Variants in KIF13B observed in about 807,000 individuals in gnomAD.
KIF13B encodes kinesin family member 13B, also known as kinesin-like protein KIF13B.
Under a neutral mutation model 222.0 loss-of-function variants are expected in KIF13B, and 127 were observed. The ratio of observed to expected loss-of-function variants is 0.57; its 90% confidence interval spans 0.50 to 0.66. KIF13B has a LOEUF of 0.66. KIF13B is among the 30% of genes least tolerant of loss of function. The probability of loss-of-function intolerance (pLI) is 0.00; values close to 1 mark genes in which losing one functional copy is unlikely to be tolerated. For missense variants in KIF13B, 2,173 were observed against 2,379.0 expected (o/e 0.91, Z 1.80); for synonymous variants, 976 against 919.0 (o/e 1.06, Z -1.12).
At chr8:29,075,151 C>G in intron 38 of KIF13B, 130 bp downstream of exon 38, 1 of 730,210 alleles carries the variant, frequency 1.4e-6, no homozygotes, top group South Asian at 1.5e-5. Flanking sequence ...AGGCAGTGAC[C>G]TATATTATAA....
chr8:29,200,749 C>G (rs35918449), intron 2 of KIF13B, among the ~76,000 whole-genome samples: 9,829 of 152,206 alleles, frequency 0.065, 676 homozygotes, highest in African/African-American at 0.17. Context: ...ACCTGGGGCA[C>G]TTTGTCTGTC....
chr8:29,213,992 A>C (rs1159801878), intron 2 of KIF13B, among the ~76,000 whole-genome samples: 2 of 152,180 alleles, frequency 1.3e-5, no homozygotes, highest in East Asian at 3.8e-4. Flanking sequence ...CAAAAGGTAC[A>C]GTAAAAATAC....
intron 2 of KIF13B, among the ~76,000 whole-genome samples, chr8:29,223,014 A>G (rs1814828042): frequency 6.6e-6 from 1 of 152,048 alleles, no homozygotes; most frequent in Non-Finnish European, 1.5e-5. Flanking sequence ...TTGATTTTAT[A>G]TATATACATA....
At position 29,155,713 on chromosome 8, in the gene KIF13B, T is replaced by A; in HGVS notation, c.1535+13A>T. 1 of 1,599,656 alleles carries A rather than the reference T, an allele frequency of 6.3e-7. No individual in the cohort carries two copies. The highest frequency in any genetic ancestry group is 8.5e-7 in the Non-Finnish European group (1 of 1,171,930). ...AAACTCTTGTGATATGAACACTAAT[T>A]CAAGTATGTTACCTGGTGTTCTTCT... On this transcript the variant is annotated intron_variant, in intron 14 of 39. Transcript: ENST00000524189.
At position 29,071,782 on chromosome 8, in the gene KIF13B, C is replaced by T; in HGVS notation, c.5056G>A (p.Ala1686Thr). The change falls in exon 39 of 40, where the codon GCC (alanine) becomes ACC (threonine). Residue 1686 changes from alanine (A) to threonine (T), a missense_variant. This residue lies in a region of KIF13B where 693 missense variants were observed against 656.2 expected (regional missense o/e 1.06). Coordinates refer to ENST00000524189, the MANE Select transcript of KIF13B (RefSeq NM_015254.4). This position sits in a 1 kb window ranked among gnomAD's most constrained non-coding sequence, Gnocchi z 4.9. ...NAPAPGAGGQALASDSEEADE... is the reference protein window; with the variant it reads ...NAPAPGAGGQTLASDSEEADE... ...GCTTCCTCGGAATCAGAGGCCAGGG[C>T]CTGTCCCCCGGCGCCCGGGGCCGGC... is the stretch of plus-strand genomic sequence containing the variant. The T allele has an allele frequency of 6.5e-7, 1 of 1,548,314 alleles. No individual in the cohort carries two copies. Among genetic ancestry groups the T allele is most frequent in the Non-Finnish European group, 8.7e-7 (1 of 1,146,464 alleles).
intron 1 of KIF13B, among the ~76,000 whole-genome samples, chr8:29,258,455 A>G (rs1816565285): frequency 6.6e-6 from 1 of 152,216 alleles, no homozygotes; most frequent in East Asian, 1.9e-4. Context: ...CCCAAGAAGC[A>G]AAACAGAGTG....
At chr8:29,201,397 T>C (rs1329064710) in intron 2 of KIF13B, among the ~76,000 whole-genome samples, 3 of 152,230 alleles carry the variant, frequency 2.0e-5, no homozygotes, top group African/African-American at 7.2e-5. Context: ...ATTATATCTG[T>C]AATCTCTAGA....
chr8:29,085,748 G>C (rs1302453492), intron 37 of KIF13B, among the ~76,000 whole-genome samples: 1 of 127,598 alleles, frequency 7.8e-6, no homozygotes, highest in Admixed American at 9.2e-5. Flanking sequence ...AGGGAGCCAG[G>C]CTGGGATGGG....
chr8:29,227,007 G>T (rs1344936620), intron 2 of KIF13B, among the ~76,000 whole-genome samples: 1 of 152,148 alleles, frequency 6.6e-6, no homozygotes, highest in African/African-American at 2.4e-5. Context: ...CCATTAATTG[G>T]AAGGCAAAGT....
chr8:29,078,741 G>C (rs1807679256), intron 37 of KIF13B, among the ~76,000 whole-genome samples: 1 of 152,244 alleles, frequency 6.6e-6, no homozygotes, highest in Non-Finnish European at 1.5e-5. Flanking sequence ...CCGAGGCTCA[G>C]AGAGCGTTTA....
intron 21 of KIF13B, among the ~76,000 whole-genome samples, chr8:29,139,802 C>T (rs1810725525): frequency 6.6e-6 from 1 of 152,150 alleles, no homozygotes; most frequent in Admixed American, 6.5e-5. Context: ...TGCAGGGATT[C>T]TCAGCCACCA....
At position 29,181,970 on chromosome 8, in the gene KIF13B, C is replaced by G; in HGVS notation, c.534G>C (p.Val178=). 1.1e-5 allele frequency: 17 copies of G among 1,613,706 alleles called. No individual in the cohort carries two copies. Among genetic ancestry groups the G allele is most frequent in the Non-Finnish European group, 1.4e-5 (17 of 1,179,762 alleles). Residue 178 remains valine (V), a synonymous_variant, in exon 7 of 40, where the codon GTG becomes GTC. Transcript: ENST00000524189. ...AAAGTCCGTCGACATAAGGTCCCAA[C>G]ACACTATGCTCTCTGACTTTCAACG... The part of the protein sequence containing the change: ...RQTLKVREHS[V]LGPYVDGLSK...
In KIF13B at chr8:29,109,291, G is replaced by A. The variant is rs145763037; in HGVS notation, c.4161+143C>T. 111 of 678,786 alleles carry A rather than the reference G, an allele frequency of 1.6e-4. 1 individual carries two copies. The African/African-American group carries it at 1.7e-3, about 10-fold the overall frequency. 42.0% of individuals were successfully genotyped at this position (678,786 alleles called of 1,614,324 possible). A position where few individuals can be genotyped will look rare whatever the true frequency, so the allele number is the denominator to read the frequency against. On this transcript the variant is annotated intron_variant, in intron 34 of 39. Coordinates refer to ENST00000524189, the MANE Select transcript of KIF13B (RefSeq NM_015254.4). ...GGCAGAGGTGCACAGACCCAGTGGG[G>A]TGGAGACCAGGGGCCCTGACATCAG...
At position 29,122,654 on chromosome 8, in the gene KIF13B, G is replaced by A. The variant is rs78494476; in HGVS notation, c.3480-8C>T. On this transcript the variant is annotated splice_region_variant and splice_polypyrimidine_tract_variant and intron_variant, in intron 28 of 39. Transcript: ENST00000524189. Reference sequence around the variant, plus strand: ...ATCCCAGGTACTGGGGTCCTAAAACGGGAAGAACAAATGGCATCTGCCTCA... The same window carrying A: ...ATCCCAGGTACTGGGGTCCTAAAACAGGAAGAACAAATGGCATCTGCCTCA... The A allele has an allele frequency of 0.017, 27,029 of 1,603,038 alleles. 274 individuals carry two copies. Among genetic ancestry groups the A allele is most frequent in the Non-Finnish European group, 0.019 (22,771 of 1,174,004 alleles).
chr8:29,100,849 A>G (rs1808754997), intron 35 of KIF13B, among the ~76,000 whole-genome samples: 1 of 152,198 alleles, frequency 6.6e-6, no homozygotes, highest in East Asian at 1.9e-4. Flanking sequence ...AGGTTTCAGA[A>G]ATGTATTGGA....
intron 35 of KIF13B, among the ~76,000 whole-genome samples, chr8:29,102,536 G>A (rs1364991913): frequency 2.0e-5 from 3 of 152,226 alleles, no homozygotes; most frequent in East Asian, 1.9e-4. Flanking sequence ...CGGAGGCTCC[G>A]GGGAGGGCCT....
At chr8:29,137,082 G>T (rs1385347760) in intron 21 of KIF13B, among the ~76,000 whole-genome samples, 1 of 152,124 alleles carries the variant, frequency 6.6e-6, no homozygotes, top group Non-Finnish European at 1.5e-5. Context: ...TTACAGACGT[G>T]AGCCGCCGCG....
At chr8:29,088,745 G>A (rs1808158408) in intron 37 of KIF13B, among the ~76,000 whole-genome samples, 1 of 152,152 alleles carries the variant, frequency 6.6e-6, no homozygotes, top group Admixed American at 6.5e-5. Flanking sequence ...CTTTTTCAGA[G>A]AAGAAACACA....
chr8:29,221,398 C>G (rs192144099), intron 2 of KIF13B, among the ~76,000 whole-genome samples: 2 of 150,598 alleles, frequency 1.3e-5, no homozygotes, highest in African/African-American at 2.4e-5. Flanking sequence ...CCACCGCACC[C>G]GACCTGCAGT....
Sources: gnomAD v4.1 joint callset for allele counts (sites outside exome capture counted in the v4.1 genomes callset) on GRCh38, gnomAD v4.1.1 for gene constraint, gnomAD v4.1.1 regional missense constraint, Gnocchi (gnomAD v3.1) non-coding constraint, MANE v1.5 for transcripts, NCBI Gene and HGNC (gene_info 2026-07-23, HGNC 2026-07-21) for gene names.